TAF5L: variants seen among roughly 807,000 people sequenced by gnomAD.
The protein encoded by TAF5L is TAF5-like RNA polymerase II p300/CBP-associated factor-associated factor 65 kDa subunit 5L.
In TAF5L, 7 loss-of-function variants were observed where a neutral mutation model predicts 51.3. That is an observed-to-expected ratio of 0.14 (90% CI 0.08 to 0.26). TAF5L has a LOEUF of 0.26. Ranked by LOEUF, TAF5L falls within the 10% of genes least tolerant of loss-of-function variation. The pLI is 1.00. For missense variants in TAF5L, 575 were observed against 758.9 expected, an observed-to-expected ratio of 0.76 and a Z score of 2.85; for synonymous variants, 291 against 308.1, an observed-to-expected ratio of 0.94 and a Z score of 0.58.
intron 4 of TAF5L, among the ~76,000 whole-genome samples, chr1:229,598,314 TA>T (rs1242008524): frequency 6.6e-6 from 1 of 152,256 alleles, no homozygotes; most frequent in Non-Finnish European, 1.5e-5. Flanking sequence ...TTAACCTTTT[TA>T]GATGTGGCTA....
chr1:229,602,609 G>T lies in TAF5L; in HGVS notation c.558C>A (p.Ala186=). 1 of 1,614,184 alleles carries T rather than the reference G, an allele frequency of 6.2e-7. No individual in the cohort carries two copies. Among genetic ancestry groups the T allele is most frequent in the South Asian group, 1.1e-5 (1 of 91,080 alleles). ...TATGTAAGGTGAGGACTTTGCACAG[G>T]GCAGTATTGTTGTCACTTTGGAGGT... Residue 186 remains alanine (A), a synonymous_variant, in exon 4 of 5, where the codon GCC becomes GCA. Coordinates refer to ENST00000258281, the Ensembl canonical transcript of TAF5L. This position sits in a 1 kb window ranked among gnomAD's most constrained non-coding sequence, Gnocchi z 4.6.
intron 1 of TAF5L, among the ~76,000 whole-genome samples, chr1:229,615,918 G>A (rs1046919795): frequency 6.6e-6 from 1 of 152,154 alleles, no homozygotes; most frequent in Non-Finnish European, 1.5e-5. Flanking sequence ...TTTTGTGTGG[G>A]AGATCTGTTT....
At position 229,597,744 on chromosome 1, in the gene TAF5L, T is replaced by A. The variant is rs1664180475; in HGVS notation, c.973-2650A>T. ...ATAATAAATCTTATTATATACATTA[T>A]GAAACACACATGAAATAGAAATTTA... On this transcript the variant is annotated intron_variant, in intron 4 of 4. Coordinates refer to ENST00000258281, the Ensembl canonical transcript of TAF5L. 5.3e-5 allele frequency among the ~76,000 whole-genome samples: 8 copies of A among 152,234 alleles called. 1 individual carries two copies. The South Asian group carries it at 1.7e-3, about 32-fold the overall frequency.
At chr1:229,599,022 T>C (rs1664260501) in intron 4 of TAF5L, among the ~76,000 whole-genome samples, 1 of 152,166 alleles carries the variant, frequency 6.6e-6, no homozygotes, top group East Asian at 1.9e-4. Context: ...CTCCATTTCA[T>C]ATAGAACAAA....
chr1:229,624,995 A>T (rs1327499045), intron 1 of TAF5L, among the ~76,000 whole-genome samples: 1 of 152,160 alleles, frequency 6.6e-6, no homozygotes, highest in Admixed American at 6.5e-5. Context: ...CGAGATTCCA[A>T]TCTGCAAGGT....
At chr1:229,617,119 T>A (rs1480273762) in intron 1 of TAF5L, among the ~76,000 whole-genome samples, 1 of 152,216 alleles carries the variant, frequency 6.6e-6, no homozygotes, top group Non-Finnish European at 1.5e-5. Flanking sequence ...GGGATTCTGA[T>A]ACTCTGAGAG....
At chr1:229,600,931 C>G (rs995035723) in intron 4 of TAF5L, 1 of 985,238 alleles carries the variant, frequency 1.0e-6, no homozygotes, top group Non-Finnish European at 1.2e-6. Flanking sequence ...TTTGTATTTA[C>G]AGAAAATCGA....
At chr1:229,607,957 AG>A (rs994474198) in intron 3 of TAF5L, 2 of 152,232 alleles carry the variant, frequency 1.3e-5, no homozygotes, top group African/African-American at 4.8e-5. Context: ...ACAAAATAAC[AG>A]ACAACTTTCT....
In TAF5L at chr1:229,602,474, A is replaced by G. The variant is rs1664415966; in HGVS notation, c.693T>C (p.Pro231=). 1 of 1,614,152 alleles carries G rather than the reference A, an allele frequency of 6.2e-7. No individual in the cohort carries two copies. Among genetic ancestry groups the G allele is most frequent in the Non-Finnish European group, 8.5e-7 (1 of 1,180,010 alleles). Residue 231 remains proline (P), a synonymous_variant, in exon 4 of 5, where the codon CCT becomes CCC. Transcript: ENST00000258281. This position sits in a 1 kb window ranked among gnomAD's most constrained non-coding sequence, Gnocchi z 4.6. ...CTAGGGCAGCCTCGTTCTGCAGAAT[A>G]GGGCTGGGCATGTCGGGGGGCTCCA...
At chr1:229,600,030 A>T in intron 4 of TAF5L, 1 of 984,274 alleles carries the variant, frequency 1.0e-6, no homozygotes, top group Non-Finnish European at 1.2e-6. Context: ...TGGCTCCTGT[A>T]TTAAGAGTCT....
chr1:229,606,584 G>A lies in TAF5L; in HGVS notation c.247+3522C>T, dbSNP rs1664603665. 6 of 985,362 alleles carry A rather than the reference G, an allele frequency of 6.1e-6. 1 individual carries two copies. The South Asian group carries it at 2.3e-4, about 39-fold the overall frequency. 61.0% of individuals were successfully genotyped at this position (985,362 alleles called of 1,614,324 possible). A position where few individuals can be genotyped will look rare whatever the true frequency, so the allele number is the denominator to read the frequency against. ...TGGCTCTATTGACTAGCACTCCTCT[G>A]TCCTTTATTCTGAAAGCCCACACTA... On this transcript the variant is annotated intron_variant, in intron 3 of 4. Coordinates refer to ENST00000258281, the Ensembl canonical transcript of TAF5L.
chr1:229,606,733 G>C, intron 3 of TAF5L: 1 of 985,352 alleles, frequency 1.0e-6, no homozygotes, highest in Non-Finnish European at 1.2e-6. Context: ...TTGCATCCAT[G>C]ATCATGTTTA....
At position 229,611,327 on chromosome 1, in the gene TAF5L, G is replaced by A. The variant is rs149271286; in HGVS notation, c.143-1117C>T. ...TCTCCTCCTGTTTACAAGAGGAGTG[G>A]GGAACACCGGGGAAAGAAGGTGGCT... is the stretch of plus-strand genomic sequence containing the variant. On this transcript the variant is annotated intron_variant, in intron 2 of 4. Transcript: ENST00000258281. Among the ~76,000 whole-genome samples, 513 of 152,210 alleles carry A rather than the reference G, an allele frequency of 3.4e-3. 2 individuals are homozygous for A. Among genetic ancestry groups the A allele is most frequent in the Non-Finnish European group, 5.6e-3 (384 of 68,002 alleles).
At chr1:229,614,139 G>C in intron 2 of TAF5L, 1 of 794,078 alleles carries the variant, frequency 1.3e-6, no homozygotes, top group South Asian at 1.6e-5. Flanking sequence ...GAGGTTATCA[G>C]AAGTGACAAT....
At chr1:229,615,481 T>A (rs71652396) in intron 1 of TAF5L, among the ~76,000 whole-genome samples, 1 of 152,162 alleles carries the variant, frequency 6.6e-6, no homozygotes. Context: ...AGAGGGTATG[T>A]ATATGTGTTA....
At chr1:229,610,570 C>T (rs1664751770) in intron 2 of TAF5L, among the ~76,000 whole-genome samples, 1 of 152,210 alleles carries the variant, frequency 6.6e-6, no homozygotes, top group Non-Finnish European at 1.5e-5. Flanking sequence ...AATCACTGTG[C>T]TGGGCACTTA....
intron 3 of TAF5L, among the ~76,000 whole-genome samples, chr1:229,609,480 T>A (rs1664713436): frequency 6.6e-6 from 1 of 152,180 alleles, no homozygotes; most frequent in Non-Finnish European, 1.5e-5. Context: ...CCCTTTCCGA[T>A]TTATCTTCTG....
At chr1:229,606,654 C>G (rs1371810461) in intron 3 of TAF5L, 14 of 985,282 alleles carry the variant, frequency 1.4e-5, no homozygotes, top group Non-Finnish European at 1.7e-5. Context: ...TTCCTCCTGT[C>G]AATCCTCAAA....
intron 1 of TAF5L, among the ~76,000 whole-genome samples, chr1:229,618,131 GA>G (rs922195003): frequency 3.3e-5 from 5 of 151,992 alleles, no homozygotes; most frequent in Non-Finnish European, 4.4e-5. Context: ...AGGGACAAGT[GA>G]AGAAAAAAAA....
Sources: allele counts gnomAD v4.1 joint callset (sites outside exome capture counted in the v4.1 genomes callset), GRCh38; gene constraint gnomAD v4.1.1; non-coding constraint Gnocchi (gnomAD v3.1); transcripts MANE v1.5; gene names NCBI Gene and HGNC (gene_info 2026-07-23, HGNC 2026-07-21).